The following FBXL18 variants were observed in gnomAD, a reference collection of about 807,000 sequenced individuals.
The protein encoded by FBXL18 is F-box and leucine rich repeat protein 18, also known as F-box/LRR-repeat protein 18.
A neutral mutation model predicts 46.0 loss-of-function variants in FBXL18; 36 were observed. That is an observed-to-expected ratio of 0.78 (90% confidence interval 0.60 to 1.03). The LOEUF (loss-of-function observed/expected upper bound fraction) is 1.03. Ranked by LOEUF, FBXL18 falls within the 50% of genes least tolerant of loss-of-function variation. FBXL18 has a pLI of 0.00. For missense variants in FBXL18, 977 were observed against 1,004.1 expected, an observed-to-expected ratio of 0.97 and a Z score of 0.36; for synonymous variants, 557 against 465.3, an observed-to-expected ratio of 1.20 and a Z score of -2.54.
In FBXL18 at chr7:5,505,522, C is replaced by G; in HGVS notation, c.127G>C (p.Val43Leu). 1 of 1,614,146 alleles carries G rather than the reference C, an allele frequency of 6.2e-7. No homozygotes were observed. The highest frequency in any genetic ancestry group is 8.5e-7 in the Non-Finnish European group (1 of 1,180,036). The change falls in exon 2 of 5, where the codon GTC becomes CTC. Residue 43 changes from valine (V) to leucine (L), a missense_variant. Val to Leu is a conservative substitution (Grantham distance 32). Transcript: ENST00000382368. ...DEILLHILSH[V>L]PSTDLILNVR... ...TTCAGAATCAGATCTGTGCTGGGGA[C>G]GTGACTCAGGATGTGAAGGAGGATC...
At chr7:5,467,458 A>G (rs1449600288) in intron 4 of FBXL18, among the ~76,000 whole-genome samples, 1 of 151,738 alleles carries the variant, frequency 6.6e-6, no homozygotes, top group Non-Finnish European at 1.5e-5. Context: ...AGGCAGGAGA[A>G]TCACTTGAAC....
intron 4 of FBXL18, among the ~76,000 whole-genome samples, chr7:5,487,794 C>G (rs576631371): frequency 6.8e-6 from 1 of 146,328 alleles, no homozygotes. Context: ...GCATCCCACT[C>G]GGTTGGCAGC....
intron 4 of FBXL18, among the ~76,000 whole-genome samples, chr7:5,464,679 A>AC (rs1266688923): frequency 1.4e-5 from 2 of 143,036 alleles, no homozygotes; most frequent in African/African-American, 5.1e-5. Context: ...AAAAAAAAAA[A>AC]AAAACACTAA....
chr7:5,512,893 T>G (rs2128239749), intron 1 of FBXL18, among the ~76,000 whole-genome samples: 1 of 152,144 alleles, frequency 6.6e-6, no homozygotes, highest in East Asian at 1.9e-4. Flanking sequence ...GGAAGACACT[T>G]GAGCCTCTCA....
rs1783163451 is a variant in FBXL18 at position 5,455,741 on chromosome 7, C to A, written c.2001-7898G>T. Among the ~76,000 whole-genome samples, 3 of 150,140 alleles carry A rather than the reference C, an allele frequency of 2.0e-5. No homozygotes were observed. The highest frequency in any genetic ancestry group is 4.4e-5 in the Non-Finnish European group (3 of 67,684). ...GATGTCCCTAGATGGTGCCTCCCCC[C>A]CACCCCCACTACACACACACAAACA... is the stretch of plus-strand genomic sequence containing the variant. On this transcript the variant is annotated intron_variant and NMD_transcript_variant, in intron 4 of 6. Coordinates refer to the FBXL18 transcript ENST00000415009. This position sits in a 1 kb window ranked among gnomAD's most constrained non-coding sequence, Gnocchi z 4.6.
intron 3 of FBXL18, among the ~76,000 whole-genome samples, chr7:5,494,133 G>A (rs991830521): frequency 2.6e-5 from 4 of 152,052 alleles, no homozygotes; most frequent in Admixed American, 6.6e-5. Context: ...TTAGCTGGTC[G>A]TGGTGGCACA....
chr7:5,476,479 T>C lies in FBXL18; in HGVS notation c.*5296A>G, dbSNP rs1783516967. ...AGCGTTTCTGCTTTTTGTTGTTTGTTTTCTGAGACAGGGTATTGCTCCGTG... is the reference window on the plus strand; with the variant it reads ...AGCGTTTCTGCTTTTTGTTGTTTGTCTTCTGAGACAGGGTATTGCTCCGTG... On this transcript the variant is annotated 3_prime_UTR_variant, in exon 5 of 5. Transcript: ENST00000382368. The C allele has an allele frequency of 6.6e-6, 1 of 152,210 alleles. No homozygotes were observed. The highest frequency in any genetic ancestry group is 2.4e-5 in the African/African-American group (1 of 41,426). 9.4% of individuals were successfully genotyped at this position (152,210 alleles called of 1,614,324 possible).
chr7:5,470,212 G>A (rs928187673), intron 4 of FBXL18, among the ~76,000 whole-genome samples: 2 of 152,150 alleles, frequency 1.3e-5, no homozygotes, highest in Non-Finnish European at 2.9e-5. Context: ...GCTGCATGCT[G>A]GCCGAGGGGG....
At chr7:5,513,145 G>A (rs1394009257) in intron 1 of FBXL18, among the ~76,000 whole-genome samples, 1 of 152,142 alleles carries the variant, frequency 6.6e-6, no homozygotes, top group Non-Finnish European at 1.5e-5. Context: ...GGGAGTGTTG[G>A]GAAAGAATTC....
chr7:5,454,864 C>T (rs1452159706), intron 4 of FBXL18, among the ~76,000 whole-genome samples: 1 of 152,216 alleles, frequency 6.6e-6, no homozygotes, highest in Non-Finnish European at 1.5e-5. Flanking sequence ...GATGGCCACC[C>T]GAGCTGCCAG....
chr7:5,493,680 C>CGT, intron 3 of FBXL18, among the ~76,000 whole-genome samples: 1 of 135,374 alleles, frequency 7.4e-6, no homozygotes, highest in Admixed American at 7.5e-5. Context: ...TGCGTGCGTG[C>CGT]GTGCGTGTGT....
chr7:5,456,795 G>C (rs760344917), intron 4 of FBXL18, among the ~76,000 whole-genome samples: 10 of 152,180 alleles, frequency 6.6e-5, no homozygotes, highest in Non-Finnish European at 1.3e-4. Context: ...ACAGAGTCTT[G>C]TTCTGTCATC....
chr7:5,483,755 CA>C (rs35815456), intron 4 of FBXL18, among the ~76,000 whole-genome samples: 64,952 of 149,810 alleles, frequency 0.43, 14,404 homozygotes, highest in South Asian at 0.55. Flanking sequence ...AAAAAAAAGA[CA>C]AAAAAAAAAT....
chr7:5,470,721 C>G (rs113876107), intron 4 of FBXL18, among the ~76,000 whole-genome samples: 1 of 5,288 alleles, frequency 1.9e-4, no homozygotes, highest in South Asian at 8.8e-3. Context: ...GTCCCCTTCC[C>G]GGGGGGGAGA....
chr7:5,469,699 G>A (rs1166942155), intron 4 of FBXL18, among the ~76,000 whole-genome samples: 1 of 152,002 alleles, frequency 6.6e-6, no homozygotes, highest in East Asian at 1.9e-4. Flanking sequence ...TGGAAAGCAT[G>A]GGGTGTCCGT....
rs1239282637 is a variant in FBXL18, at chr7:5,512,070, G to GT, written c.18+1586dup. Among the ~76,000 whole-genome samples the GT allele has an allele frequency of 2.8e-3, 328 of 116,554 alleles. 4 individuals are homozygous for GT. Among genetic ancestry groups the GT allele is most frequent in the Middle Eastern group, 4.4e-3 (1 of 228 alleles). The allele number at this position is 116,554 out of a possible 152,430, so 76.5% of individuals were successfully genotyped here. ...CTAACACGGTGAAACCCCGTCTCTA[G>GT]TAAAAAAAAAAAAAAAACCAAAAAA... On this transcript the variant is annotated intron_variant, in intron 1 of 4. Coordinates refer to ENST00000382368, the MANE Select transcript of FBXL18 (RefSeq NM_024963.6).
Position 5,513,767 on chromosome 7 carries a change from G to A in FBXL18, c.-93C>T, listed in dbSNP as rs1025703588. The A allele has an allele frequency of 6.0e-6, 9 of 1,504,880 alleles. No individual in the cohort carries two copies. Among genetic ancestry groups the A allele is most frequent in the Non-Finnish European group, 6.3e-6 (7 of 1,114,068 alleles). The allele number at this position is 1,504,880 out of a possible 1,614,324, so 93.2% of individuals were successfully genotyped here. ...GATGCTCGAAGCCGGCGCGTCCACC[G>A]CTCAACCGAGACCCCGGCAAGGAGC... is the stretch of plus-strand genomic sequence containing the variant. On this transcript the variant is annotated 5_prime_UTR_variant, in exon 1 of 5. Coordinates refer to ENST00000382368, the MANE Select transcript of FBXL18 (RefSeq NM_024963.6).
intron 1 of FBXL18, among the ~76,000 whole-genome samples, chr7:5,510,493 C>A (rs1399076232): frequency 1.3e-5 from 2 of 151,678 alleles, no homozygotes; most frequent in Admixed American, 6.6e-5. Flanking sequence ...ACCAGCCTGA[C>A]CAACACGGTG....
At chr7:5,472,659 G>A (rs929478807), downstream of FBXL18, among the ~76,000 whole-genome samples, 3 of 152,140 alleles carry the variant, frequency 2.0e-5, no homozygotes, top group Admixed American at 2.0e-4. Flanking sequence ...TGAGGTCCAG[G>A]TCAACACCAG....
Sources: gnomAD v4.1 joint callset for allele counts (sites outside exome capture counted in the v4.1 genomes callset) on GRCh38, gnomAD v4.1.1 for gene constraint, Gnocchi (gnomAD v3.1) non-coding constraint, MANE v1.5 for transcripts, NCBI Gene and HGNC (gene_info 2026-07-23, HGNC 2026-07-21) for gene names.